The following SRSF5 variants were observed in gnomAD, a reference collection of about 807,000 sequenced individuals.
SRSF5 encodes the protein serine and arginine rich splicing factor 5.
In SRSF5, 5 loss-of-function variants were observed where a neutral mutation model predicts 34.0. The observed-to-expected ratio is 0.15, with a 90% CI of 0.08 to 0.31. SRSF5 has a LOEUF of 0.31. SRSF5 is among the 10% of genes least tolerant of loss of function. The pLI is 1.00. For missense variants in SRSF5, 223 were observed against 351.4 expected, an observed-to-expected ratio of 0.63 and a Z score of 2.92; for synonymous variants, 164 against 117.7, an observed-to-expected ratio of 1.39 and a Z score of -2.55.
intron 5 of SRSF5, 186 bp downstream of exon 5, chr14:69,769,437 T>A: frequency 6.5e-7 from 1 of 1,529,398 alleles, no homozygotes. Context: ...TGATCAAATG[T>A]AAATGTTTTG....
intron 2 of SRSF5, 40 bp downstream of exon 2, chr14:69,768,322 T>C (rs747261738): frequency 6.2e-7 from 1 of 1,610,018 alleles, no homozygotes; most frequent in Non-Finnish European, 8.5e-7. Flanking sequence ...GCTAAGTAGG[T>C]AGAGTTTTGA....
chr14:69,770,018 C>T (rs1883012007), intron 5 of SRSF5: 2 of 1,027,138 alleles, frequency 1.9e-6, no homozygotes, highest in Non-Finnish European at 2.3e-6. Flanking sequence ...TGCTGCTTGA[C>T]TAGCCTAGGG....
chr14:69,771,221 G>T lies in SRSF5; in HGVS notation c.579G>T (p.Arg193=), dbSNP rs578100354. The change falls in exon 8 of 8, where the codon CGG becomes CGT. Residue 193 remains arginine, a synonymous_variant. Transcript: ENST00000557154. ...HSRSRSRSRS[R]TRSSSRSRSR... ...GGTCAAGAAGCAGGTCTCGATCCCG[G>T]ACCAGAAGTTCCTCTAGGTCTCGTA... 1 of 1,614,094 alleles carries T rather than the reference G, an allele frequency of 6.2e-7. No homozygotes were observed. The highest frequency in any genetic ancestry group is 1.1e-5 in the South Asian group (1 of 91,078).
intron 5 of SRSF5, chr14:69,769,814 C>T (rs1882994933): frequency 2.3e-6 from 3 of 1,323,272 alleles, no homozygotes; most frequent in South Asian, 2.1e-5. Context: ...ATTAGGTGGT[C>T]GTTGGAATCC....
intron 2 of SRSF5, 84 bp downstream of exon 2, chr14:69,768,366 A>T: frequency 6.4e-7 from 1 of 1,561,894 alleles, no homozygotes. Context: ...GTCCGGGTGG[A>T]ATATTTGCCT....
At chr14:69,767,381 G>A (rs1002415015) in intron 1 of SRSF5, 126 bp downstream of exon 1, 1 of 455,996 alleles carries the variant, frequency 2.2e-6, no homozygotes, top group Non-Finnish European at 4.4e-6. Flanking sequence ...TTGATTCGAG[G>A]TGGGCGCTGG....
chr14:69,767,392 GGCAC>G (rs1281196397), intron 1 of SRSF5, 137 bp downstream of exon 1: 2 of 455,994 alleles, frequency 4.4e-6, no homozygotes, highest in Admixed American at 4.7e-5. Flanking sequence ...TGGGCGCTGG[GGCAC>G]GTCTCCCTTT....
rs1883225747 is a variant in SRSF5 at position 69,771,662 on chromosome 14, T to C, written c.*201T>C. 4.9e-6 allele frequency: 3 copies of C among 606,494 alleles called. No individual in the cohort carries two copies. Among genetic ancestry groups the C allele is most frequent in the Middle Eastern group, 4.4e-4 (1 of 2,298 alleles). The allele number at this position is 606,494 out of a possible 1,614,324, so 37.6% of individuals were successfully genotyped here. Reference sequence around the variant, plus strand: ...GAAAACTAATTGTATTAAATGTCTTTTGATAAGCCTTCTGCTCACATTTTT... The same window carrying C: ...GAAAACTAATTGTATTAAATGTCTTCTGATAAGCCTTCTGCTCACATTTTT... On this transcript the variant is annotated 3_prime_UTR_variant, in exon 8 of 8. Transcript: ENST00000557154.
Position 69,768,844 on chromosome 14 carries a change from A to G in SRSF5, c.244A>G (p.Arg82Gly), listed in dbSNP as rs751573884. The G allele has an allele frequency of 1.9e-6, 3 of 1,614,242 alleles. No homozygotes were observed. The highest frequency in any genetic ancestry group is 2.5e-6 in the Non-Finnish European group (3 of 1,180,042). Reference sequence around the variant, plus strand: ...GGCTCGGTCACGAGGTGGAAGAGGTAGAGGACGATACTCTGACCGTTTTAG... The same window carrying G: ...GGCTCGGTCACGAGGTGGAAGAGGTGGAGGACGATACTCTGACCGTTTTAG... ...ARARSRGGRG[R>G]GRYSDRFSSR... The change falls in exon 4 of 8, where the codon AGA (arginine) becomes GGA (glycine). Residue 82 changes from arginine (R) to glycine (G), a missense_variant. Physicochemically the swap from Arg to Gly is moderately radical, Grantham distance 125. Around this residue, in one of 4 missense-constraint regions of SRSF5, gnomAD observed 44 missense variants for 44.3 expected, o/e 0.99. Transcript: ENST00000557154.
Position 69,771,643 on chromosome 14 carries a change from T to C in SRSF5, c.*182T>C. On this transcript the variant is annotated 3_prime_UTR_variant, in exon 8 of 8. Coordinates refer to ENST00000557154, the MANE Select transcript of SRSF5 (RefSeq NM_001320214.2). ...GGACCACCAAGGGGTTGTTGAAAACTAATTGTATTAAATGTCTTTTGATAA... is the reference window on the plus strand; with the variant it reads ...GGACCACCAAGGGGTTGTTGAAAACCAATTGTATTAAATGTCTTTTGATAA... The C allele has an allele frequency of 1.5e-6, 1 of 670,672 alleles. No homozygotes were observed. 41.5% of individuals were successfully genotyped at this position (670,672 alleles called of 1,614,324 possible).
In SRSF5 at chr14:69,770,555, C is replaced by G; in HGVS notation, c.440+15C>G. On this transcript the variant is annotated intron_variant, in intron 6 of 7. Transcript: ENST00000557154. ...TTAAATGAAGGGTATGTACTGGAAA[C>G]TGTGAAAGTCTTTAAAAATATCCGG... The G allele has an allele frequency of 6.2e-7, 1 of 1,600,034 alleles. No individual in the cohort carries two copies. Among genetic ancestry groups the G allele is most frequent in the Non-Finnish European group, 8.5e-7 (1 of 1,173,302 alleles).
At position 69,769,889 on chromosome 14, in the gene SRSF5, C is replaced by T. The variant is rs543578406; in HGVS notation, c.367-578C>T. The T allele has an allele frequency of 7.4e-5, 86 of 1,168,460 alleles. No homozygotes were observed. In the African/African-American group the frequency reaches 1.1e-3, roughly 16 times the overall value. 72.4% of individuals were successfully genotyped at this position (1,168,460 alleles called of 1,614,324 possible). Reference sequence around the variant, plus strand: ...AACATGTCTGCATCCGCCAATAGTCCGCTAATAGGGAGGGCTGTGCGATTA... The same window carrying T: ...AACATGTCTGCATCCGCCAATAGTCTGCTAATAGGGAGGGCTGTGCGATTA... On this transcript the variant is annotated intron_variant, in intron 5 of 7. Transcript: ENST00000557154.
At chr14:69,769,769 A>G in intron 5 of SRSF5, 1 of 1,362,740 alleles carries the variant, frequency 7.3e-7, no homozygotes, top group Non-Finnish European at 9.4e-7. Flanking sequence ...GCTTCCGAAT[A>G]AGAGGTCCGG....
chr14:69,768,444 T>C (rs1006541944), intron 2 of SRSF5, 160 bp from the exon 3 acceptor site: 39 of 1,245,008 alleles, frequency 3.1e-5, no homozygotes, highest in Non-Finnish European at 4.3e-5. Flanking sequence ...ACTTGCCGGC[T>C]CACTGGAACC....
At chr14:69,768,576 T>C (rs1882823075) in intron 2 of SRSF5, 28 bp from the exon 3 acceptor site, 2 of 1,606,574 alleles carry the variant, frequency 1.2e-6, no homozygotes, top group Non-Finnish European at 1.7e-6. Context: ...CTAAAGCCAA[T>C]GTTAAGAGTC....
At chr14:69,770,400 T>A (rs941892764) in intron 5 of SRSF5, 67 bp from the exon 6 acceptor site, 175 of 1,578,236 alleles carry the variant, frequency 1.1e-4, no homozygotes, top group Middle Eastern at 3.5e-4. Flanking sequence ...TTGTTTTTTT[T>A]ATATCATGTG....
chr14:69,771,603 T>C lies in SRSF5; in HGVS notation c.*142T>C. ...GGAAGGGGGGTTGGGTTGGGCTGGATATCTTTGTAGATGTGGACCACCAAG... is the reference window on the plus strand; with the variant it reads ...GGAAGGGGGGTTGGGTTGGGCTGGACATCTTTGTAGATGTGGACCACCAAG... On this transcript the variant is annotated 3_prime_UTR_variant, in exon 8 of 8. Coordinates refer to ENST00000557154, the MANE Select transcript of SRSF5 (RefSeq NM_001320214.2). 1.0e-6 allele frequency: 1 copy of C among 967,248 alleles called. No homozygotes were observed. Among genetic ancestry groups the C allele is most frequent in the Non-Finnish European group, 1.5e-6 (1 of 665,582 alleles). The allele number at this position is 967,248 out of a possible 1,614,324, so 59.9% of individuals were successfully genotyped here. A position where few individuals can be genotyped will look rare whatever the true frequency, so the allele number is the denominator to read the frequency against.
intron 5 of SRSF5, chr14:69,770,150 T>C (rs1038340493): frequency 2.1e-5 from 23 of 1,072,956 alleles, no homozygotes; most frequent in South Asian, 3.7e-5. Context: ...ACTTTAAAAA[T>C]ATGTACTGTT....
rs1594756204 is a variant in SRSF5, at chr14:69,771,739, C to T, written c.*278C>T. On this transcript the variant is annotated 3_prime_UTR_variant, in exon 8 of 8. Coordinates refer to ENST00000557154, the MANE Select transcript of SRSF5 (RefSeq NM_001320214.2). ...GTATATTGACAGAGCTCTTTTATAA[C>T]TAAAGCAAATTTAATTTTTTTGTAC... 6.4e-6 allele frequency: 2 copies of T among 311,028 alleles called. No individual in the cohort carries two copies. The highest frequency in any genetic ancestry group is 1.1e-4 in the East Asian group (2 of 17,446). The allele number at this position is 311,028 out of a possible 1,614,324, so 19.3% of individuals were successfully genotyped here. A position where few individuals can be genotyped will look rare whatever the true frequency, so the allele number is the denominator to read the frequency against.
Sources: allele counts gnomAD v4.1 joint callset, GRCh38; gene constraint gnomAD v4.1.1; regional missense constraint gnomAD v4.1.1; transcripts MANE v1.5; gene names NCBI Gene and HGNC (gene_info 2026-07-23, HGNC 2026-07-21).